OSBPL1A: variants seen among roughly 807,000 people sequenced by gnomAD.
The protein encoded by OSBPL1A is oxysterol-binding protein-related protein 1.
OSBPL1A carries 80 observed loss-of-function variants against 137.1 expected under a neutral mutation model. The ratio of observed to expected loss-of-function variants is 0.58; its 90% confidence interval spans 0.49 to 0.70. The LOEUF (loss-of-function observed/expected upper bound fraction) is 0.70. Among genes scored for constraint, OSBPL1A ranks in the 30% least tolerant of loss-of-function variants. OSBPL1A has a pLI of 0.00. For missense variants in OSBPL1A, 970 were observed against 1,129.4 expected (o/e 0.86, Z 2.02); for synonymous variants, 365 against 389.7 (o/e 0.94, Z 0.75).
intron 16 of OSBPL1A, among the ~76,000 whole-genome samples, chr18:24,227,306 A>G (rs1423860975): frequency 6.6e-6 from 1 of 152,246 alleles, no homozygotes; most frequent in Admixed American, 6.5e-5. Flanking sequence ...TAAATAGTCA[A>G]TAAGAGGGGG....
intron 17 of OSBPL1A, among the ~76,000 whole-genome samples, chr18:24,203,737 G>A (rs910081150): frequency 5.9e-5 from 9 of 152,158 alleles, no homozygotes; most frequent in African/African-American, 9.7e-5. Context: ...GCCACATGTA[G>A]AGCATGCATG....
chr18:24,169,499 T>G (rs2086223573), intron 24 of OSBPL1A, among the ~76,000 whole-genome samples: 1 of 152,242 alleles, frequency 6.6e-6, no homozygotes, highest in Admixed American at 6.5e-5. Context: ...GATACTATTC[T>G]GAGCCCATTA....
chr18:24,205,979 C>G lies in OSBPL1A; in HGVS notation c.1602-9779G>C, dbSNP rs141491384. ...GATCTCGGCTCACTGCAACCTCCGC[C>G]TCTGGGGTTCAAGTGATTCTCCTGC... On this transcript the variant is annotated intron_variant, in intron 17 of 27. Transcript: ENST00000319481. 8.8e-3 allele frequency among the ~76,000 whole-genome samples: 1,330 copies of G among 151,180 alleles called. 28 individuals are homozygous for G. Among genetic ancestry groups the G allele is most frequent in the African/African-American group, 0.031 (1,275 of 41,110 alleles).
rs905706391 is a variant in OSBPL1A, at chr18:24,271,692, G to A, written c.1281+9150C>T. ...TCCTCGCAAGCTCCAGCGCGAATGCGCTCGGCCTGCTCCTCCTCCTCCCCT... is the reference window on the plus strand; with the variant it reads ...TCCTCGCAAGCTCCAGCGCGAATGCACTCGGCCTGCTCCTCCTCCTCCCCT... On this transcript the variant is annotated intron_variant, in intron 15 of 27. Transcript: ENST00000319481. The surrounding 1 kb of genome is among the most constrained non-coding windows in gnomAD (Gnocchi z 4.0). 6.1e-6 allele frequency: 6 copies of A among 985,806 alleles called. No homozygotes were observed. Among genetic ancestry groups the A allele is most frequent in the African/African-American group, 1.7e-5 (1 of 57,244 alleles). The allele number at this position is 985,806 out of a possible 1,614,324, so 61.1% of individuals were successfully genotyped here.
chr18:24,181,382 T>C, intron 18 of OSBPL1A, 103 bp from the exon 19 acceptor site: 1 of 1,243,448 alleles, frequency 8.0e-7, no homozygotes, highest in Non-Finnish European at 1.1e-6. Flanking sequence ...GAACAGAAAC[T>C]AGCAACCCAT....
chr18:24,225,125 A>G lies in OSBPL1A; in HGVS notation c.1518T>C (p.His506=). Residue 506 remains histidine (H), a synonymous_variant, in exon 17 of 28, where the codon CAT becomes CAC. Transcript: ENST00000319481. ...TARSFEEEGE[H]LGSRKHRMSE... is the part of the protein sequence containing the mutation. ...ACATTCTGTGTTTTCTACTGCCCAA[A>G]TGCTCTCCTTCCTCTTCAAAGGAGC... The G allele has an allele frequency of 1.2e-6, 2 of 1,614,080 alleles. No individual in the cohort carries two copies. The highest frequency in any genetic ancestry group is 1.7e-6 in the Non-Finnish European group (2 of 1,179,996).
At position 24,203,841 on chromosome 18, in the gene OSBPL1A, G is replaced by A. The variant is rs191221361; in HGVS notation, c.1602-7641C>T. ...TATGGTCTGCTTGTCAATACTGCACGCAAATTTGTTGATGTCAAATGGTAT... is the reference window on the plus strand; with the variant it reads ...TATGGTCTGCTTGTCAATACTGCACACAAATTTGTTGATGTCAAATGGTAT... On this transcript the variant is annotated intron_variant, in intron 17 of 27. Coordinates refer to ENST00000319481, the MANE Select transcript of OSBPL1A (RefSeq NM_080597.4). 2.7e-3 allele frequency among the ~76,000 whole-genome samples: 408 copies of A among 151,870 alleles called. 3 individuals carry two copies. Among genetic ancestry groups the A allele is most frequent in the African/African-American group, 9.4e-3 (386 of 41,272 alleles).
intron 16 of OSBPL1A, among the ~76,000 whole-genome samples, chr18:24,231,482 G>A (rs546691714): frequency 1.2e-4 from 18 of 152,196 alleles, no homozygotes; most frequent in African/African-American, 4.3e-4. Flanking sequence ...TAGAGATGGG[G>A]TTTCACCATG....
intron 14 of OSBPL1A, among the ~76,000 whole-genome samples, chr18:24,288,991 G>A (rs1467179586): frequency 6.6e-6 from 1 of 152,086 alleles, no homozygotes; most frequent in Non-Finnish European, 1.5e-5. Context: ...TTGAATGGGA[G>A]AACTGATCAA....
intron 11 of OSBPL1A, 71 bp from the exon 12 acceptor site, chr18:24,314,418 A>G: frequency 9.5e-7 from 1 of 1,049,842 alleles, no homozygotes; most frequent in South Asian, 1.6e-5. Flanking sequence ...ATCTATACAT[A>G]AAATTTAAAG....
intron 7 of OSBPL1A, among the ~76,000 whole-genome samples, chr18:24,331,113 T>C (rs2091070095): frequency 6.6e-5 from 10 of 152,054 alleles, no homozygotes; most frequent in Admixed American, 6.5e-4. Context: ...TTCTAATGAC[T>C]CCAAACCTTC....
chr18:24,369,703 A>C (rs758905382), intron 2 of OSBPL1A, among the ~76,000 whole-genome samples: 6 of 152,042 alleles, frequency 3.9e-5, no homozygotes, highest in Non-Finnish European at 7.4e-5. Context: ...CATTTACCCA[A>C]ACTCCTACAT....
chr18:24,201,600 T>C (rs2087222253), intron 17 of OSBPL1A, among the ~76,000 whole-genome samples: 1 of 151,976 alleles, frequency 6.6e-6, no homozygotes, highest in South Asian at 2.1e-4. Flanking sequence ...CCGTCTCTAC[T>C]AAAAATACAA....
At chr18:24,290,660 G>A (rs1472451489) in intron 14 of OSBPL1A, among the ~76,000 whole-genome samples, 2 of 152,142 alleles carry the variant, frequency 1.3e-5, no homozygotes, top group African/African-American at 4.8e-5. Flanking sequence ...TCCAGCCTGG[G>A]CAACAGAGCG....
Position 24,384,445 on chromosome 18 carries a change from A to G in OSBPL1A, c.-2-6910T>C, listed in dbSNP as rs184323517. Among the ~76,000 whole-genome samples, 986 of 152,100 alleles carry G rather than the reference A, an allele frequency of 6.5e-3. 8 individuals are homozygous for G. Among genetic ancestry groups the G allele is most frequent in the Non-Finnish European group, 9.7e-3 (661 of 68,014 alleles). ...AAAAATTAGCCACGGGTGGTGGCAC[A>G]TGCCTGTAGTCCCAGCGACTTGGGA... On this transcript the variant is annotated intron_variant, in intron 1 of 27. Transcript: ENST00000319481.
chr18:24,273,592 G>A (rs1201709264), intron 15 of OSBPL1A, among the ~76,000 whole-genome samples: 2 of 152,184 alleles, frequency 1.3e-5, no homozygotes, highest in African/African-American at 4.8e-5. Context: ...CCCAAAGCCT[G>A]AATTTTTTCC....
At chr18:24,287,465 C>T (rs985744343) in intron 14 of OSBPL1A, among the ~76,000 whole-genome samples, 3 of 152,176 alleles carry the variant, frequency 2.0e-5, no homozygotes, top group Non-Finnish European at 2.9e-5. Flanking sequence ...TGATGCTTGC[C>T]TGTCTTCTAG....
intron 15 of OSBPL1A, among the ~76,000 whole-genome samples, chr18:24,243,557 CA>C (rs1465259443): frequency 6.6e-6 from 1 of 152,116 alleles, no homozygotes; most frequent in African/African-American, 2.4e-5. Context: ...CATAAATATC[CA>C]GTCCCCTCAA....
intron 6 of OSBPL1A, 86 bp downstream of exon 6, chr18:24,334,159 T>C: frequency 6.5e-6 from 7 of 1,077,980 alleles, no homozygotes; most frequent in Admixed American, 5.2e-5. Context: ...TTCAACTAAA[T>C]TATTTACTTA....
Sources: gnomAD v4.1 joint callset for allele counts (sites outside exome capture counted in the v4.1 genomes callset) on GRCh38, gnomAD v4.1.1 for gene constraint, Gnocchi (gnomAD v3.1) non-coding constraint, MANE v1.5 for transcripts, NCBI Gene and HGNC (gene_info 2026-07-23, HGNC 2026-07-21) for gene names.